The following CLEC5A variants were observed in gnomAD, a reference collection of about 807,000 sequenced individuals.
The protein encoded by CLEC5A is C-type lectin domain family 5 member A.
A neutral mutation model predicts 24.4 loss-of-function variants in CLEC5A; 15 were observed. That is an observed-to-expected ratio of 0.62 (90% CI 0.41 to 0.95). The LOEUF (loss-of-function observed/expected upper bound fraction) is 0.95. Ranked by LOEUF, CLEC5A falls within the 40% of genes least tolerant of loss-of-function variation. The pLI, the probability that CLEC5A is intolerant of heterozygous loss-of-function variation, is 0.00. For synonymous variants in CLEC5A, 71 were observed against 72.6 expected (o/e 0.98, Z 0.11); for missense variants, 211 against 224.0 (o/e 0.94, Z 0.37).
At chr7:141,939,896 A>AAT (rs1802736424) in intron 4 of CLEC5A, among the ~76,000 whole-genome samples, 1 of 152,150 alleles carries the variant, frequency 6.6e-6, no homozygotes, top group South Asian at 2.1e-4. Context: ...TAACAATATA[A>AAT]ATATATATGC....
intron 4 of CLEC5A, among the ~76,000 whole-genome samples, chr7:141,940,882 G>T (rs570891663): frequency 9.9e-5 from 15 of 152,056 alleles, no homozygotes; most frequent in African/African-American, 3.4e-4. Flanking sequence ...AAACCACAAA[G>T]AAATCCAAAA....
intron 1 of CLEC5A, among the ~76,000 whole-genome samples, 191 bp downstream of exon 1, chr7:141,946,616 T>G (rs1234176702): frequency 3.9e-5 from 6 of 152,210 alleles, no homozygotes; most frequent in Admixed American, 3.9e-4. Context: ...TCCTGTATTT[T>G]GAGAACCCTT....
chr7:141,936,791 C>G (rs891265145), intron 4 of CLEC5A, among the ~76,000 whole-genome samples: 10 of 151,984 alleles, frequency 6.6e-5, no homozygotes, highest in Non-Finnish European at 1.0e-4. Flanking sequence ...CAAAAGAGAC[C>G]CTTTCTTTCT....
intron 4 of CLEC5A, chr7:141,936,189 A>C: frequency 2.0e-6 from 1 of 512,588 alleles, no homozygotes; most frequent in Non-Finnish European, 3.5e-6. Context: ...ATCCCCCTAC[A>C]GGAACACCAA....
chr7:141,941,835 C>A (rs941722354), intron 4 of CLEC5A, among the ~76,000 whole-genome samples: 5 of 151,856 alleles, frequency 3.3e-5, no homozygotes, highest in Non-Finnish European at 5.9e-5. Context: ...ATAATAGCTA[C>A]AAATAAAATA....
At chr7:141,937,001 C>T (rs1554441190) in intron 4 of CLEC5A, among the ~76,000 whole-genome samples, 3 of 151,960 alleles carry the variant, frequency 2.0e-5, no homozygotes. Flanking sequence ...ACAGTCCTGA[C>T]AGGATCCCTT....
Position 141,930,055 on chromosome 7 carries a change from T to C in CLEC5A, c.*49A>G. ...AGAATCATTGGCCAGACGACCTGTA[T>C]GGATTCAAAAAGAGTTGCAAGTATA... On this transcript the variant is annotated 3_prime_UTR_variant, in exon 7 of 7. Transcript: ENST00000546910. 1.4e-6 allele frequency: 2 copies of C among 1,436,046 alleles called. No homozygotes were observed. Among genetic ancestry groups the C allele is most frequent in the Non-Finnish European group, 2.0e-6 (2 of 1,022,272 alleles). The allele number at this position is 1,436,046 out of a possible 1,614,324, so 89.0% of individuals were successfully genotyped here.
chr7:141,936,696 G>A (rs1411802629), intron 4 of CLEC5A, among the ~76,000 whole-genome samples: 4 of 152,100 alleles, frequency 2.6e-5, no homozygotes, highest in Non-Finnish European at 5.9e-5. Context: ...GAATTAGGGG[G>A]CACCTACTGA....
At chr7:141,944,047 T>A (rs1465340464) in intron 3 of CLEC5A, 83 bp from the exon 4 acceptor site, 2 of 829,254 alleles carry the variant, frequency 2.4e-6, no homozygotes, top group Admixed American at 1.7e-5. Flanking sequence ...GCTGTGTGAC[T>A]CTGAATCATG....
At chr7:141,937,440 C>A (rs1372112801) in intron 4 of CLEC5A, among the ~76,000 whole-genome samples, 1 of 152,140 alleles carries the variant, frequency 6.6e-6, no homozygotes, top group African/African-American at 2.4e-5. Flanking sequence ...GCTCCTCTGC[C>A]TGCAGAAAGG....
Position 141,940,673 on chromosome 7 carries a change from C to T in CLEC5A, c.208+3223G>A, listed in dbSNP as rs1378224351. Among the ~76,000 whole-genome samples the T allele has an allele frequency of 5.4e-5, 6 of 110,308 alleles. No individual in the cohort carries two copies. The Admixed American group carries it at 5.4e-4, about 10-fold the overall frequency. The allele number at this position is 110,308 out of a possible 152,430, so 72.4% of individuals were successfully genotyped here. Reference sequence around the variant, plus strand: ...TGAAAAGATAAACAAAATCAATAAACCTTTAGCCAGACCAAAAAAAAAAAA... The same window carrying T: ...TGAAAAGATAAACAAAATCAATAAATCTTTAGCCAGACCAAAAAAAAAAAA... On this transcript the variant is annotated intron_variant, in intron 4 of 6. Coordinates refer to ENST00000546910, the MANE Select transcript of CLEC5A (RefSeq NM_013252.3).
At position 141,927,829 on chromosome 7, in the gene CLEC5A, A is replaced by ATCTCAACT. The variant is rs1563071444; in HGVS notation, c.*2267_*2274dup. 6.6e-6 allele frequency: 1 copy of ATCTCAACT among 152,256 alleles called. No homozygotes were observed. The highest frequency in any genetic ancestry group is 2.4e-5 in the African/African-American group (1 of 41,466). 9.4% of individuals were successfully genotyped at this position (152,256 alleles called of 1,614,324 possible). ...TTGAAAAGCTACTTCTTGGATGAAGATCTCAACTTCAAATCCTCCACAAAA... is the reference window on the plus strand; with the variant it reads ...TTGAAAAGCTACTTCTTGGATGAAGATCTCAACTTCTCAACTTCAAATCCTCCACAAAA... On this transcript the variant is annotated 3_prime_UTR_variant, in exon 7 of 7. Transcript: ENST00000546910.
rs1487774670 is a variant in CLEC5A, at chr7:141,935,827, G to A, written c.332C>T (p.Thr111Met). ...GKGSTLAIVN[T>M]PEKLKFLQDI... The stretch of plus-strand genomic sequence containing the variant: ...CAGTGTTCTCACCAGTTTCTCTGGC[G>A]TGTTGACAATTGCCAATGTGGATCC... The change falls in exon 5 of 7, where the codon ACG (threonine) becomes ATG (methionine). Residue 111 changes from threonine (T) to methionine (M), a missense_variant. Physicochemically the swap from Thr to Met is moderately conservative, Grantham distance 81. Coordinates refer to ENST00000546910, the MANE Select transcript of CLEC5A (RefSeq NM_013252.3). 35 of 1,613,954 alleles carry A rather than the reference G, an allele frequency of 2.2e-5. No homozygotes were observed. The highest frequency in any genetic ancestry group is 1.6e-4 in the Middle Eastern group (1 of 6,062).
At chr7:141,946,402 A>G in intron 1 of CLEC5A, 90 bp from the exon 2 acceptor site, 1 of 1,190,884 alleles carries the variant, frequency 8.4e-7, no homozygotes, top group Non-Finnish European at 1.2e-6. Flanking sequence ...CAGAGTACCC[A>G]AAGCAAGGCA....
intron 5 of CLEC5A, among the ~76,000 whole-genome samples, chr7:141,934,854 A>G (rs1554440866): frequency 6.6e-6 from 1 of 151,914 alleles, no homozygotes; most frequent in Non-Finnish European, 1.5e-5. Context: ...CTTTTTCATC[A>G]CCAAGGAAAA....
At chr7:141,936,072 A>T in intron 4 of CLEC5A, 122 bp from the exon 5 acceptor site, 1 of 812,078 alleles carries the variant, frequency 1.2e-6, no homozygotes, top group African/African-American at 1.7e-5. Context: ...GGTAAAAATT[A>T]TTCTCCATCC....
At position 141,930,227 on chromosome 7, in the gene CLEC5A, GAAAAC is replaced by G. The variant is rs782517317; in HGVS notation, c.453-14_453-10del. ...GATTCTGATTGGTAACACTAAATGA[GAAAAC>G]AAAACAAAACAAAACAAACAAACAA... On this transcript the variant is annotated splice_polypyrimidine_tract_variant and intron_variant, in intron 6 of 6. Transcript: ENST00000546910. 4.0e-5 allele frequency: 64 copies of G among 1,596,166 alleles called. No homozygotes were observed. The highest frequency in any genetic ancestry group is 1.0e-4 in the Admixed American group (6 of 59,526).
At chr7:141,944,376 A>G (rs781792046) in intron 3 of CLEC5A, among the ~76,000 whole-genome samples, 1 of 152,064 alleles carries the variant, frequency 6.6e-6, no homozygotes, top group Non-Finnish European at 1.5e-5. Context: ...TGTTCTTTCT[A>G]CTTCTGGTGT....
chr7:141,943,278 A>T (rs2128962493), intron 4 of CLEC5A, among the ~76,000 whole-genome samples: 1 of 152,302 alleles, frequency 6.6e-6, no homozygotes, highest in East Asian at 1.9e-4. Flanking sequence ...CAACAACATG[A>T]ATGGAACTGG....
Sources: allele counts gnomAD v4.1 joint callset (sites outside exome capture counted in the v4.1 genomes callset), GRCh38; gene constraint gnomAD v4.1.1; transcripts MANE v1.5; gene names NCBI Gene and HGNC (gene_info 2026-07-23, HGNC 2026-07-21).